The following FAM171A1 variants were observed in gnomAD, a reference collection of about 807,000 sequenced individuals.
FAM171A1 encodes family with sequence similarity 171 member A1.
FAM171A1 carries 23 observed loss-of-function variants against 74.9 expected under a neutral mutation model. The ratio of observed to expected loss-of-function variants is 0.31; its 90% CI spans 0.22 to 0.44. FAM171A1 has a LOEUF of 0.44. FAM171A1 is among the 20% of genes least tolerant of loss of function. The probability of loss-of-function intolerance (pLI) is 1.00; values close to 1 mark genes in which losing one functional copy is unlikely to be tolerated. For synonymous variants in FAM171A1, 527 were observed against 505.7 expected (o/e 1.04, Z -0.57); for missense variants, 1,162 against 1,159.2 (o/e 1.00, Z -0.03).
chr10:15,292,684 C>A (rs1295520598), intron 1 of FAM171A1, among the ~76,000 whole-genome samples: 1 of 152,020 alleles, frequency 6.6e-6, no homozygotes, highest in Non-Finnish European at 1.5e-5. Flanking sequence ...GCGGGTTTTG[C>A]CACATTGCCC....
intron 3 of FAM171A1, among the ~76,000 whole-genome samples, chr10:15,267,921 C>T (rs1298544024): frequency 1.3e-5 from 2 of 152,142 alleles, no homozygotes; most frequent in East Asian, 1.9e-4. Flanking sequence ...GACAGTAAAA[C>T]CACACATTGC....
At chr10:15,227,060 T>C (rs774923035) in intron 5 of FAM171A1, among the ~76,000 whole-genome samples, 13 of 152,162 alleles carry the variant, frequency 8.5e-5, no homozygotes, top group Admixed American at 2.6e-4. Context: ...AGTGCAGTGG[T>C]GCAATCTCAG....
At chr10:15,281,149 A>G (rs1450997261) in intron 2 of FAM171A1, among the ~76,000 whole-genome samples, 1 of 152,152 alleles carries the variant, frequency 6.6e-6, no homozygotes, top group Non-Finnish European at 1.5e-5. Context: ...TGTTCTGGCC[A>G]TGTGAAATGT....
intron 1 of FAM171A1, among the ~76,000 whole-genome samples, chr10:15,304,671 G>A (rs1050838569): frequency 2.6e-5 from 4 of 152,124 alleles, no homozygotes; most frequent in African/African-American, 9.7e-5. Flanking sequence ...CTGTTATGGT[G>A]TAGCCCTCCT....
At chr10:15,225,092 T>C (rs1834087567) in intron 5 of FAM171A1, among the ~76,000 whole-genome samples, 1 of 152,234 alleles carries the variant, frequency 6.6e-6, no homozygotes, top group South Asian at 2.1e-4. Flanking sequence ...AAAACACACG[T>C]TGCCTTCCGT....
At chr10:15,287,091 C>CTTTTTTT (rs145921203) in intron 1 of FAM171A1, among the ~76,000 whole-genome samples, 1 of 129,514 alleles carries the variant, frequency 7.7e-6, no homozygotes, top group Non-Finnish European at 1.6e-5. Flanking sequence ...TTTTCTTCTT[C>CTTTTTTT]TTTTTTTTTT....
In FAM171A1 at chr10:15,296,667, G is replaced by A. The variant is rs377455434; in HGVS notation, c.98-12562C>T. On this transcript the variant is annotated intron_variant, in intron 1 of 7. Transcript: ENST00000378116. The stretch of plus-strand genomic sequence containing the variant: ...ACGTAGGCACCTTTCACTCTTGATT[G>A]TACCAAGAGGTGCCCTGAACCTCAC... Among the ~76,000 whole-genome samples, 31 of 152,316 alleles carry A rather than the reference G, an allele frequency of 2.0e-4. No individual in the cohort carries two copies. The South Asian group carries it at 6.2e-3, about 31-fold the overall frequency.
chr10:15,355,232 G>A (rs1265978208), intron 1 of FAM171A1, among the ~76,000 whole-genome samples: 2 of 152,134 alleles, frequency 1.3e-5, no homozygotes, highest in African/African-American at 2.4e-5. Flanking sequence ...GTGCCACCAC[G>A]CCCAGCTAAT....
chr10:15,342,792 AG>A (rs1376335644), intron 1 of FAM171A1, among the ~76,000 whole-genome samples: 1 of 152,234 alleles, frequency 6.6e-6, no homozygotes, highest in Non-Finnish European at 1.5e-5. Context: ...CTAGAAGGCA[AG>A]TCAGACCCTC....
chr10:15,248,822 G>T lies in FAM171A1; in HGVS notation c.578-7C>A, dbSNP rs189871756. On this transcript the variant is annotated splice_polypyrimidine_tract_variant and splice_region_variant and intron_variant, in intron 4 of 7. Coordinates refer to ENST00000378116, the MANE Select transcript of FAM171A1 (RefSeq NM_001010924.2). Reference sequence around the variant, plus strand: ...TCATGCCTGGTGCTGTTTCCTAGAAGGAAGAGGCATTTTCCATCATTTGCA... The same window carrying T: ...TCATGCCTGGTGCTGTTTCCTAGAATGAAGAGGCATTTTCCATCATTTGCA... The T allele has an allele frequency of 5.6e-6, 9 of 1,596,848 alleles. No homozygotes were observed. Among genetic ancestry groups the T allele is most frequent in the Non-Finnish European group, 7.7e-6 (9 of 1,171,340 alleles).
Position 15,214,240 on chromosome 10 carries a change from T to C in FAM171A1, c.1348A>G (p.Ser450Gly). 1 of 1,614,146 alleles carries C rather than the reference T, an allele frequency of 6.2e-7. No individual in the cohort carries two copies. Residue 450 changes from serine (S) to glycine (G), a missense_variant, in exon 8 of 8, where the codon AGT becomes GGT. Ser to Gly is a moderately conservative substitution (Grantham distance 56). Transcript: ENST00000378116. ...TGGTAGTCTTTCCCCAGCGTCCCACTTGGAGTGAGGTTATCAAAGGAGATC... is the reference window on the plus strand; with the variant it reads ...TGGTAGTCTTTCCCCAGCGTCCCACCTGGAGTGAGGTTATCAAAGGAGATC... ...SQISFDNLTP[S>G]GTLGKDYHKS...
At chr10:15,334,428 C>T (rs1564282856) in intron 1 of FAM171A1, among the ~76,000 whole-genome samples, 1 of 152,168 alleles carries the variant, frequency 6.6e-6, no homozygotes, top group Non-Finnish European at 1.5e-5. Context: ...TGGTTAACCG[C>T]TAAAGTTATT....
chr10:15,240,635 A>G (rs1834351910), intron 5 of FAM171A1: 42 of 870,194 alleles, frequency 4.8e-5, no homozygotes, highest in Non-Finnish European at 5.7e-5. Flanking sequence ...GGTTTGAAAG[A>G]GAGCATCTCT....
chr10:15,231,145 A>G (rs1200368758), intron 5 of FAM171A1, among the ~76,000 whole-genome samples: 1 of 152,234 alleles, frequency 6.6e-6, no homozygotes. Flanking sequence ...TGACACAGAG[A>G]TCTTGCTAAG....
At chr10:15,347,740 C>T (rs796081670) in intron 1 of FAM171A1, among the ~76,000 whole-genome samples, 4 of 145,468 alleles carry the variant, frequency 2.7e-5, no homozygotes, top group African/African-American at 1.0e-4. Context: ...GAGGCTGAGG[C>T]AGGAGAATCA....
At chr10:15,326,317 CTTTT>C (rs200106956) in intron 1 of FAM171A1, among the ~76,000 whole-genome samples, 2 of 148,338 alleles carry the variant, frequency 1.3e-5, no homozygotes, top group Non-Finnish European at 3.0e-5. Context: ...TCCCACAATT[CTTTT>C]TTTTTTGTTT....
At chr10:15,318,217 A>G (rs1393737880) in intron 1 of FAM171A1, among the ~76,000 whole-genome samples, 2 of 152,226 alleles carry the variant, frequency 1.3e-5, no homozygotes, top group Non-Finnish European at 2.9e-5. Flanking sequence ...GGTGTAAGGA[A>G]GAATAGCAGG....
chr10:15,263,784 TATC>T (rs774876572), intron 3 of FAM171A1, among the ~76,000 whole-genome samples: 6 of 149,866 alleles, frequency 4.0e-5, no homozygotes, highest in East Asian at 2.0e-4. Flanking sequence ...TCTATCTATC[TATC>T]ATCTATCCAT....
At chr10:15,343,327 C>T (rs1159129762) in intron 1 of FAM171A1, among the ~76,000 whole-genome samples, 1 of 152,162 alleles carries the variant, frequency 6.6e-6, no homozygotes, top group Non-Finnish European at 1.5e-5. Flanking sequence ...TATGATTGCA[C>T]CACTGCAGGA....
Sources: allele counts gnomAD v4.1 joint callset (sites outside exome capture counted in the v4.1 genomes callset), GRCh38; gene constraint gnomAD v4.1.1; transcripts MANE v1.5; gene names NCBI Gene and HGNC (gene_info 2026-07-23, HGNC 2026-07-21).